Variants in SORL1 observed in about 807,000 individuals in gnomAD.
The protein encoded by SORL1 is sortilin-related receptor.
A neutral mutation model predicts 273.7 loss-of-function variants in SORL1; 127 were observed. That is an observed-to-expected ratio of 0.46 (90% CI 0.40 to 0.54). SORL1 has a LOEUF of 0.54. SORL1 is among the 20% of genes least tolerant of loss of function. The pLI, the probability that SORL1 is intolerant of heterozygous loss-of-function variation, is 0.00. For synonymous variants in SORL1, 1,031 were observed against 1,067.4 expected (o/e 0.97, Z 0.66); for missense variants, 2,494 against 2,846.1 (o/e 0.88, Z 2.81).
At chr11:121,524,194 C>A (rs1862085017) in intron 11 of SORL1, among the ~76,000 whole-genome samples, 1 of 152,258 alleles carries the variant, frequency 6.6e-6, no homozygotes, top group Non-Finnish European at 1.5e-5. Flanking sequence ...GCTGCTTTCC[C>A]CTTTCGTGGA....
chr11:121,588,374 C>T (rs1475724929), intron 28 of SORL1, among the ~76,000 whole-genome samples: 2 of 152,160 alleles, frequency 1.3e-5, no homozygotes, highest in Non-Finnish European at 2.9e-5. Context: ...CTTAAGGAAT[C>T]CTGCTTTTCA....
In SORL1 at chr11:121,627,540, A is replaced by G; in HGVS notation, c.6365-15A>G. On this transcript the variant is annotated splice_polypyrimidine_tract_variant and intron_variant, in intron 46 of 47. Transcript: ENST00000260197. The surrounding 1 kb of genome is among the most constrained non-coding windows in gnomAD (Gnocchi z 4.9). ...CCCTCAGGTGGGCTTATTGGTGGGAACTTTGCCTTGGCAGGTGCAGATGCA... is the reference window on the plus strand; with the variant it reads ...CCCTCAGGTGGGCTTATTGGTGGGAGCTTTGCCTTGGCAGGTGCAGATGCA... 6.2e-7 allele frequency: 1 copy of G among 1,612,146 alleles called. No individual in the cohort carries two copies. Among genetic ancestry groups the G allele is most frequent in the Non-Finnish European group, 8.5e-7 (1 of 1,178,314 alleles).
chr11:121,620,511 G>A (rs1863707808), intron 43 of SORL1, among the ~76,000 whole-genome samples: 1 of 152,130 alleles, frequency 6.6e-6, no homozygotes, highest in African/African-American at 2.4e-5. Flanking sequence ...TCATCCAGCG[G>A]TGGTTGGTTT....
intron 13 of SORL1, among the ~76,000 whole-genome samples, chr11:121,544,314 G>A (rs894213340): frequency 2.6e-5 from 4 of 151,924 alleles, no homozygotes; most frequent in South Asian, 2.1e-4. Flanking sequence ...TCCCCTACTC[G>A]AAATCCTTTT....
At chr11:121,516,434 A>G (rs187271327) in intron 8 of SORL1, among the ~76,000 whole-genome samples, 16 of 152,320 alleles carry the variant, frequency 1.1e-4, no homozygotes, top group African/African-American at 3.8e-4. Flanking sequence ...ACAGGGAGTC[A>G]GGGAGAGCTG....
intron 16 of SORL1, among the ~76,000 whole-genome samples, chr11:121,551,783 T>G (rs1202085140): frequency 6.6e-6 from 1 of 152,216 alleles, no homozygotes; most frequent in African/African-American, 2.4e-5. Context: ...GTCCCTTAAT[T>G]TAATCTTTCA....
At chr11:121,513,955 T>C (rs1279811643) in intron 7 of SORL1, among the ~76,000 whole-genome samples, 197 bp from the exon 8 acceptor site, 1 of 152,210 alleles carries the variant, frequency 6.6e-6, no homozygotes, top group African/African-American at 2.4e-5. Flanking sequence ...AGGGGCCCGC[T>C]AAGCTGCAGA....
intron 1 of SORL1, among the ~76,000 whole-genome samples, chr11:121,468,480 G>T (rs1565302231): frequency 6.6e-6 from 1 of 152,080 alleles, no homozygotes; most frequent in Non-Finnish European, 1.5e-5. Flanking sequence ...GAGTGTGGTA[G>T]CTCAACCTTG....
intron 8 of SORL1, among the ~76,000 whole-genome samples, chr11:121,519,921 A>G (rs1439457139): frequency 1.3e-5 from 2 of 152,138 alleles, no homozygotes; most frequent in Non-Finnish European, 2.9e-5. Context: ...AAGCCTTTTG[A>G]CCCTAAAAGT....
At chr11:121,606,511 G>T (rs1243530753) in intron 35 of SORL1, among the ~76,000 whole-genome samples, 1 of 152,202 alleles carries the variant, frequency 6.6e-6, no homozygotes, top group Non-Finnish European at 1.5e-5. Flanking sequence ...AGAGGCAGCA[G>T]GTGCTGTCAT....
At chr11:121,629,400 G>A in intron 47 of SORL1, 96 bp from the exon 48 acceptor site, 1 of 740,602 alleles carries the variant, frequency 1.4e-6, no homozygotes, top group Non-Finnish European at 2.5e-6. Context: ...TCAGCTAGAG[G>A]GTTGTGGTAG....
At position 121,566,970 on chromosome 11, in the gene SORL1, G is replaced by A. The variant is rs773691475; in HGVS notation, c.3080G>A (p.Ser1027Asn). 1.9e-6 allele frequency: 3 copies of A among 1,613,972 alleles called. No individual in the cohort carries two copies. Among genetic ancestry groups the A allele is most frequent in the South Asian group, 2.2e-5 (2 of 91,034 alleles). The change falls in exon 22 of 48, where the codon AGC (serine) becomes AAC (asparagine). Residue 1027 changes from serine (S) to asparagine (N), a missense_variant. Transcript: ENST00000260197. ...AATGCCTGTGTGCCCAGGCCATGCA[G>A]CCTGCTGTGCCTGCCCAAGGCCAAC... The part of the protein sequence containing the change: ...GSNACVPRPC[S>N]LLCLPKANNS...
At chr11:121,544,983 A>C (rs1230713932) in intron 13 of SORL1, among the ~76,000 whole-genome samples, 1 of 152,172 alleles carries the variant, frequency 6.6e-6, no homozygotes, top group African/African-American at 2.4e-5. Flanking sequence ...CTCTTCTGTA[A>C]TGTTTCGGAA....
At chr11:121,539,862 G>T (rs1418038030) in intron 12 of SORL1, among the ~76,000 whole-genome samples, 2 of 152,024 alleles carry the variant, frequency 1.3e-5, no homozygotes, top group African/African-American at 2.4e-5. Flanking sequence ...TGATACATAT[G>T]ATTATGTCTG....
intron 39 of SORL1, 102 bp downstream of exon 39, chr11:121,611,260 A>G: frequency 2.4e-6 from 2 of 820,354 alleles, no homozygotes; most frequent in Non-Finnish European, 4.0e-6. Context: ...AAAAACAAAA[A>G]ACAAAAAAAA....
In SORL1 at chr11:121,606,954, C is replaced by T. The variant is rs768164343; in HGVS notation, c.5058C>T (p.Tyr1686=). The T allele has an allele frequency of 2.2e-5, 36 of 1,604,938 alleles. No homozygotes were observed. The highest frequency in any genetic ancestry group is 2.8e-5 in the Non-Finnish European group (33 of 1,171,748). ...PIHTHGLIRE[Y]IVEYSRSGSK... ...ACACCCATGGCCTCATCCGTGAGTA[C>T]ATTGTAAGTACCTTCCATGAGTTGG... Residue 1686 remains tyrosine, a synonymous_variant, in exon 36 of 48, where the codon TAC becomes TAT. Transcript: ENST00000260197.
chr11:121,550,738 A>G lies in SORL1; in HGVS notation c.2266+68A>G. ...TTGAAGCAGTATCACGATCTCACCC[A>G]AGTCCGGGCTTGTGGCTCCTTTAAT... On this transcript the variant is annotated intron_variant, in intron 16 of 47. Transcript: ENST00000260197. This position sits in a 1 kb window ranked among gnomAD's most constrained non-coding sequence, Gnocchi z 5.3. The G allele has an allele frequency of 7.9e-7, 1 of 1,267,594 alleles. No homozygotes were observed. Among genetic ancestry groups the G allele is most frequent in the African/African-American group, 1.5e-5 (1 of 67,456 alleles). The allele number at this position is 1,267,594 out of a possible 1,614,324, so 78.5% of individuals were successfully genotyped here. A position where few individuals can be genotyped will look rare whatever the true frequency, so the allele number is the denominator to read the frequency against.
intron 5 of SORL1, among the ~76,000 whole-genome samples, chr11:121,492,899 G>A (rs914749867): frequency 1.3e-5 from 2 of 151,664 alleles, no homozygotes; most frequent in Non-Finnish European, 2.9e-5. Flanking sequence ...CGTCTCCAGG[G>A]TTCAAGCAAT....
chr11:121,486,780 T>C (rs1164068913), intron 3 of SORL1, among the ~76,000 whole-genome samples: 1 of 152,038 alleles, frequency 6.6e-6, no homozygotes, highest in African/African-American at 2.4e-5. Flanking sequence ...CGCCCGGCGG[T>C]GAGACTCTGT....
Sources: allele counts gnomAD v4.1 joint callset (sites outside exome capture counted in the v4.1 genomes callset), GRCh38; gene constraint gnomAD v4.1.1; non-coding constraint Gnocchi (gnomAD v3.1); transcripts MANE v1.5; gene names NCBI Gene and HGNC (gene_info 2026-07-23, HGNC 2026-07-21).